The following R3HCC1L variants were observed in gnomAD, a reference collection of about 807,000 sequenced individuals.
R3HCC1L encodes R3H domain and coiled-coil containing 1 like, also known as coiled-coil domain-containing protein R3HCC1L.
R3HCC1L carries 51 observed loss-of-function variants against 59.9 expected under a neutral mutation model. The ratio of observed to expected loss-of-function variants is 0.85; its 90% confidence interval spans 0.68 to 1.07. The LOEUF (loss-of-function observed/expected upper bound fraction) is 1.07, where lower values mean the gene tolerates loss of function less well. Ranked by LOEUF, R3HCC1L falls within the 50% of genes least tolerant of loss-of-function variation. The pLI, the probability that R3HCC1L is intolerant of heterozygous loss-of-function variation, is 0.00. For missense variants in R3HCC1L, 965 were observed against 933.0 expected, an observed-to-expected ratio of 1.03 and a Z score of -0.45; for synonymous variants, 322 against 315.2, an observed-to-expected ratio of 1.02 and a Z score of -0.23.
intron 5 of R3HCC1L, among the ~76,000 whole-genome samples, chr10:98,218,318 A>G (rs925683057): frequency 3.9e-5 from 6 of 151,984 alleles, no homozygotes; most frequent in Middle Eastern, 3.2e-3. Flanking sequence ...ATTTTTTACA[A>G]AAATCAACAA....
intron 5 of R3HCC1L, among the ~76,000 whole-genome samples, chr10:98,223,998 G>T (rs143291114): frequency 6.6e-6 from 1 of 152,164 alleles, no homozygotes; most frequent in African/African-American, 2.4e-5. Flanking sequence ...TTACGCAGGT[G>T]GGGGGTTGTG....
chr10:98,150,978 G>C (rs1846098238), intron 1 of R3HCC1L, among the ~76,000 whole-genome samples: 1 of 152,132 alleles, frequency 6.6e-6, no homozygotes, highest in Non-Finnish European at 1.5e-5. Context: ...GTGAGTCGGG[G>C]GGAAATTTTC....
chr10:98,237,981 T>C (rs979833472), intron 9 of R3HCC1L, among the ~76,000 whole-genome samples: 1 of 152,094 alleles, frequency 6.6e-6, no homozygotes, highest in African/African-American at 2.4e-5. Context: ...GTAAGTAACT[T>C]ACTTACTTTC....
At chr10:98,221,141 A>AT (rs1434608995) in intron 5 of R3HCC1L, among the ~76,000 whole-genome samples, 2 of 150,918 alleles carry the variant, frequency 1.3e-5, no homozygotes, top group South Asian at 4.2e-4. Context: ...GATGATGAGC[A>AT]TTTTTTCATG....
At chr10:98,234,607 A>G (rs1453909596) in intron 7 of R3HCC1L, 91 bp downstream of exon 7, 5 of 1,366,606 alleles carry the variant, frequency 3.7e-6, no homozygotes, top group Non-Finnish European at 5.2e-6. Flanking sequence ...GCAAGTTGGC[A>G]TCTTATTCAG....
chr10:98,198,376 G>A lies in R3HCC1L; in HGVS notation c.-14-9725G>A, dbSNP rs1851679566. On this transcript the variant is annotated intron_variant, in intron 4 of 9. Coordinates refer to ENST00000298999, the MANE Select transcript of R3HCC1L (RefSeq NM_001351015.2). ...AAATGGACATATACACTGCTGAATG[G>A]CAGGACTAGGACATCTCTTAGTTTT... 5.9e-5 allele frequency among the ~76,000 whole-genome samples: 9 copies of A among 152,002 alleles called. 1 individual carries two copies. The South Asian group carries it at 1.9e-3, about 32-fold the overall frequency.
chr10:98,158,278 G>T (rs138075256), intron 2 of R3HCC1L, among the ~76,000 whole-genome samples: 359 of 152,148 alleles, frequency 2.4e-3, no homozygotes, highest in African/African-American at 7.8e-3. Flanking sequence ...AACCATAAAT[G>T]GCTCTTGAGT....
At chr10:98,152,637 C>T (rs1268193494) in intron 1 of R3HCC1L, among the ~76,000 whole-genome samples, 2 of 128,114 alleles carry the variant, frequency 1.6e-5, no homozygotes, top group East Asian at 2.5e-4. Context: ...CGCCTCTGCC[C>T]CGCCACCCCG....
rs1270631423 is a variant in R3HCC1L, at chr10:98,231,641, C to A, written c.1915C>A (p.Gln639Lys). 7.4e-6 allele frequency: 12 copies of A among 1,612,558 alleles called. No homozygotes were observed. Among genetic ancestry groups the A allele is most frequent in the Non-Finnish European group, 1.0e-5 (12 of 1,179,006 alleles). The change falls in exon 6 of 10, where the codon CAA becomes AAA. Residue 639 changes from glutamine to lysine, a missense_variant. Gln to Lys is a moderately conservative substitution (Grantham distance 53). Coordinates refer to ENST00000298999, the MANE Select transcript of R3HCC1L (RefSeq NM_001351015.2). ...PHVIEIYDFP[Q>K]EFHTEDLLRV... is the part of the protein sequence containing the mutation. Reference sequence around the variant, plus strand: ...TGTCATTGAAATTTATGACTTTCCCCAAGAATTTCATACTGAAGACCTTCT... The same window carrying A: ...TGTCATTGAAATTTATGACTTTCCCAAAGAATTTCATACTGAAGACCTTCT...
At position 98,209,891 on chromosome 10, in the gene R3HCC1L, C is replaced by G. The variant is rs939421792; in HGVS notation, c.1777C>G (p.Leu593Val). 6.2e-7 allele frequency: 1 copy of G among 1,607,318 alleles called. No homozygotes were observed. Among genetic ancestry groups the G allele is most frequent in the Non-Finnish European group, 8.5e-7 (1 of 1,175,312 alleles). ...TGGTGACTGCCTGGATCCACGTCTT[C>G]TACAAGAGGTATGTTTAATTGAAAT... Reference protein sequence around the residue: ...DDGDCLDPRLLQELSGNTKSR... With the variant: ...DDGDCLDPRLVQELSGNTKSR... The change falls in exon 5 of 10, where the codon CTA (leucine) becomes GTA (valine). Residue 593 changes from leucine to valine, a missense_variant. Physicochemically the swap from Leu to Val is conservative, Grantham distance 32. Coordinates refer to ENST00000298999, the MANE Select transcript of R3HCC1L (RefSeq NM_001351015.2).
intron 5 of R3HCC1L, among the ~76,000 whole-genome samples, chr10:98,212,231 G>A (rs1853665359): frequency 6.6e-6 from 1 of 152,164 alleles, no homozygotes; most frequent in Non-Finnish European, 1.5e-5. Flanking sequence ...ATGACTTCTG[G>A]TTTATTATTT....
chr10:98,201,281 T>G (rs569464032), intron 4 of R3HCC1L, among the ~76,000 whole-genome samples: 30 of 152,290 alleles, frequency 2.0e-4, no homozygotes, highest in African/African-American at 7.0e-4. Context: ...AGAATTGTAA[T>G]GGTCTGGTAG....
At chr10:98,185,776 T>C (rs955998580) in intron 4 of R3HCC1L, among the ~76,000 whole-genome samples, 4 of 152,196 alleles carry the variant, frequency 2.6e-5, no homozygotes, top group Non-Finnish European at 4.4e-5. Context: ...TGAAAGACTT[T>C]AGGGAGGGTG....
At chr10:98,147,789 CCATA>C (rs1845800207) in intron 1 of R3HCC1L, among the ~76,000 whole-genome samples, 1 of 152,062 alleles carries the variant, frequency 6.6e-6, no homozygotes, top group Non-Finnish European at 1.5e-5. Context: ...AATGCCAGTA[CCATA>C]TTGATGTGGT....
chr10:98,186,456 GTTT>G, intron 4 of R3HCC1L: 1 of 934,598 alleles, frequency 1.1e-6, no homozygotes, highest in Non-Finnish European at 1.3e-6. Flanking sequence ...TAATTTCCTT[GTTT>G]TTTCCAGATG....
intron 4 of R3HCC1L, among the ~76,000 whole-genome samples, chr10:98,193,464 T>G (rs1319626453): frequency 6.6e-6 from 1 of 152,144 alleles, no homozygotes; most frequent in East Asian, 1.9e-4. Flanking sequence ...ATCACTTGTG[T>G]TTCTGTGCAC....
At chr10:98,143,014 G>A (rs1845314285) in intron 1 of R3HCC1L, among the ~76,000 whole-genome samples, 1 of 151,868 alleles carries the variant, frequency 6.6e-6, no homozygotes, top group South Asian at 2.1e-4. Flanking sequence ...TTTGATTCTG[G>A]TTGGAATATT....
intron 5 of R3HCC1L, among the ~76,000 whole-genome samples, chr10:98,230,670 G>C (rs1047461287): frequency 2.6e-5 from 4 of 152,054 alleles, no homozygotes; most frequent in African/African-American, 9.7e-5. Context: ...TGTGATGTTA[G>C]GGTGTCAATT....
At chr10:98,167,649 G>C (rs1848090273) in intron 4 of R3HCC1L, among the ~76,000 whole-genome samples, 1 of 152,220 alleles carries the variant, frequency 6.6e-6, no homozygotes, top group South Asian at 2.1e-4. Context: ...ATTTTTAGAA[G>C]ATATGTGTTT....
Sources: gnomAD v4.1 joint callset for allele counts (sites outside exome capture counted in the v4.1 genomes callset) on GRCh38, gnomAD v4.1.1 for gene constraint, MANE v1.5 for transcripts, NCBI Gene and HGNC (gene_info 2026-07-23, HGNC 2026-07-21) for gene names.